Variants in KNTC1 observed in about 807,000 individuals in gnomAD.
The protein encoded by KNTC1 is kinetochore associated 1, also known as kinetochore-associated protein 1.
KNTC1 carries 253 observed loss-of-function variants against 314.4 expected under a neutral mutation model. That is an observed-to-expected ratio of 0.80 (90% confidence interval 0.73 to 0.89). KNTC1 has a LOEUF of 0.89. Ranked by LOEUF, KNTC1 falls within the 40% of genes least tolerant of loss-of-function variation. KNTC1 has a pLI of 0.00. For missense variants in KNTC1, 2,475 were observed against 2,572.9 expected, an observed-to-expected ratio of 0.96 and a Z score of 0.82; for synonymous variants, 901 against 901.4, an observed-to-expected ratio of 1.00 and a Z score of 0.01.
intron 2 of KNTC1, among the ~76,000 whole-genome samples, 167 bp from the exon 3 acceptor site, chr12:122,534,497 A>G (rs1419361525): frequency 1.3e-5 from 2 of 152,240 alleles, no homozygotes; most frequent in African/African-American, 2.4e-5. Context: ...GATTCAAGAT[A>G]TACCATACAA....
intron 26 of KNTC1, 132 bp from the exon 27 acceptor site, chr12:122,574,146 CTAAT>C (rs1347166253): frequency 1.8e-6 from 1 of 559,386 alleles, no homozygotes; most frequent in African/African-American, 2.0e-5. Flanking sequence ...ACATTTATGA[CTAAT>C]TAGAATTTTT....
At chr12:122,559,876 A>G (rs953353247) in intron 18 of KNTC1, among the ~76,000 whole-genome samples, 20 of 152,188 alleles carry the variant, frequency 1.3e-4, no homozygotes, top group African/African-American at 4.1e-4. Context: ...CGCCCGGCCT[A>G]TCTTAAGCAT....
At chr12:122,532,037 G>GTT (rs71085818) in intron 2 of KNTC1, among the ~76,000 whole-genome samples, 95 of 126,674 alleles carry the variant, frequency 7.5e-4, no homozygotes, top group East Asian at 1.8e-3. Context: ...CCGGCCATTT[G>GTT]TTTTTTTTTT....
At chr12:122,594,612 A>C (rs1430854525) in intron 43 of KNTC1, among the ~76,000 whole-genome samples, 15 of 152,334 alleles carry the variant, frequency 9.8e-5, no homozygotes, top group Non-Finnish European at 1.6e-4. Context: ...AGCACTGCTT[A>C]GGGCACTTGA....
intron 26 of KNTC1, among the ~76,000 whole-genome samples, 178 bp downstream of exon 26, chr12:122,573,463 A>G (rs1367500836): frequency 6.6e-6 from 1 of 152,232 alleles, no homozygotes; most frequent in African/African-American, 2.4e-5. Flanking sequence ...AAGGGGGGAT[A>G]CATGAGGACT....
intron 54 of KNTC1, 90 bp from the exon 55 acceptor site, chr12:122,613,536 A>G: frequency 8.0e-7 from 1 of 1,255,324 alleles, no homozygotes; most frequent in Non-Finnish European, 1.1e-6. Context: ...ATTTAAAACA[A>G]ACTGGCCTAA....
At chr12:122,568,549 C>G (rs972551302) in intron 21 of KNTC1, among the ~76,000 whole-genome samples, 177 bp downstream of exon 21, 1 of 152,062 alleles carries the variant, frequency 6.6e-6, no homozygotes, top group Non-Finnish European at 1.5e-5. Context: ...AAAGACTTTC[C>G]CCATGGGCTG....
intron 57 of KNTC1, among the ~76,000 whole-genome samples, chr12:122,618,075 G>A (rs1402499836): frequency 6.6e-6 from 1 of 152,114 alleles, no homozygotes; most frequent in Non-Finnish European, 1.5e-5. Context: ...GGGTTCAAGC[G>A]ATTCTTGTGT....
chr12:122,572,830 C>T (rs186876427), intron 24 of KNTC1, 107 bp from the exon 25 acceptor site: 20 of 893,926 alleles, frequency 2.2e-5, no homozygotes, highest in East Asian at 1.4e-4. Flanking sequence ...TTTCCTCTTA[C>T]GTGCATAACC....
intron 3 of KNTC1, among the ~76,000 whole-genome samples, chr12:122,537,908 C>T (rs1441703693): frequency 2.0e-5 from 3 of 151,988 alleles, no homozygotes; most frequent in Non-Finnish European, 2.9e-5. Context: ...CAGAGATGGA[C>T]AATCGCTTGA....
intron 16 of KNTC1, among the ~76,000 whole-genome samples, chr12:122,552,622 C>G (rs1237531475): frequency 6.6e-6 from 1 of 152,086 alleles, no homozygotes; most frequent in Admixed American, 6.6e-5. Context: ...CCTTGGCCTC[C>G]CAAAGTTTTG....
intron 63 of KNTC1, 161 bp downstream of exon 63, chr12:122,624,849 G>A (rs1874848313): frequency 4.7e-6 from 3 of 634,468 alleles, no homozygotes; most frequent in Non-Finnish European, 8.7e-6. Context: ...TTCTAAACTA[G>A]AAATCAAGAG....
intron 40 of KNTC1, among the ~76,000 whole-genome samples, chr12:122,589,476 T>G (rs1312144664): frequency 6.6e-6 from 1 of 150,650 alleles, no homozygotes; most frequent in Non-Finnish European, 1.5e-5. Context: ...ATTGTGTTTT[T>G]TTTTTTTTTT....
At chr12:122,619,094 G>C (rs1874114528) in intron 59 of KNTC1, among the ~76,000 whole-genome samples, 1 of 150,652 alleles carries the variant, frequency 6.6e-6, no homozygotes, top group African/African-American at 2.4e-5. Flanking sequence ...GTCTTGCTCT[G>C]TCACCCAGGC....
chr12:122,578,933 A>T (rs115924660), intron 31 of KNTC1, among the ~76,000 whole-genome samples: 254 of 151,942 alleles, frequency 1.7e-3, no homozygotes, highest in African/African-American at 5.8e-3. Flanking sequence ...TTAAGTTCAA[A>T]AACCAAAATA....
chr12:122,542,980 T>C (rs574261186), intron 6 of KNTC1, among the ~76,000 whole-genome samples: 3 of 152,252 alleles, frequency 2.0e-5, no homozygotes, highest in South Asian at 4.2e-4. Context: ...TGGTATGATA[T>C]CGGCTCACTG....
chr12:122,545,519 T>C (rs1171134777), intron 8 of KNTC1, among the ~76,000 whole-genome samples: 1 of 152,196 alleles, frequency 6.6e-6, no homozygotes, highest in Non-Finnish European at 1.5e-5. Context: ...AAATTAATAT[T>C]TATAAATTTT....
intron 47 of KNTC1, 65 bp from the exon 48 acceptor site, chr12:122,602,962 C>T: frequency 6.4e-7 from 1 of 1,555,698 alleles, no homozygotes; most frequent in Non-Finnish European, 8.8e-7. Context: ...GATTTTTCTG[C>T]TGCTTTCATG....
intron 16 of KNTC1, 95 bp downstream of exon 16, chr12:122,551,791 G>C: frequency 1.1e-6 from 1 of 896,904 alleles, no homozygotes; most frequent in Non-Finnish European, 1.8e-6. Flanking sequence ...TTGGAATTTA[G>C]TGTGATTAAG....
Sources: allele counts gnomAD v4.1 joint callset (sites outside exome capture counted in the v4.1 genomes callset), GRCh38; gene constraint gnomAD v4.1.1; transcripts MANE v1.5; gene names NCBI Gene and HGNC (gene_info 2026-07-23, HGNC 2026-07-21).